Variants in UNC5C observed in about 807,000 individuals in gnomAD.
UNC5C encodes the protein netrin receptor UNC5C.
A neutral mutation model predicts 99.8 loss-of-function variants in UNC5C; 47 were observed. The observed-to-expected ratio is 0.47, with a 90% CI of 0.37 to 0.60. The LOEUF (loss-of-function observed/expected upper bound fraction) is 0.60. Ranked by LOEUF, UNC5C falls within the 20% of genes least tolerant of loss-of-function variation. The pLI is 0.00. For synonymous variants in UNC5C, 487 were observed against 452.2 expected (o/e 1.08, Z -0.98); for missense variants, 1,062 against 1,165.9 (o/e 0.91, Z 1.30).
intron 2 of UNC5C, among the ~76,000 whole-genome samples, chr4:95,317,565 T>C (rs879422255): frequency 2.6e-5 from 4 of 152,102 alleles, no homozygotes; most frequent in Admixed American, 2.6e-4. Flanking sequence ...AACGTGGCAA[T>C]GAGAATGAGA....
chr4:95,478,412 G>A (rs1209104326), intron 1 of UNC5C, among the ~76,000 whole-genome samples: 1 of 151,944 alleles, frequency 6.6e-6, no homozygotes, highest in Admixed American at 6.6e-5. Flanking sequence ...CATTTGCTTT[G>A]CATATCAGCT....
intron 1 of UNC5C, among the ~76,000 whole-genome samples, chr4:95,424,552 T>C (rs1319403868): frequency 6.2e-5 from 9 of 145,386 alleles, no homozygotes; most frequent in Admixed American, 6.1e-4. Flanking sequence ...GACAGCTTCT[T>C]GCTCTGTGGC....
intron 12 of UNC5C, among the ~76,000 whole-genome samples, chr4:95,187,796 G>C (rs548987198): frequency 2.6e-5 from 4 of 152,118 alleles, no homozygotes; most frequent in African/African-American, 7.2e-5. Context: ...ACTTAAGCTC[G>C]CCATTTCTCC....
chr4:95,386,675 G>A (rs1034605643), intron 1 of UNC5C, among the ~76,000 whole-genome samples: 26 of 152,090 alleles, frequency 1.7e-4, no homozygotes, highest in Middle Eastern at 3.2e-3. Context: ...AACCAGTTCC[G>A]ACTTGCTAGT....
intron 1 of UNC5C, among the ~76,000 whole-genome samples, chr4:95,472,853 T>G (rs1177871960): frequency 6.6e-6 from 1 of 151,852 alleles, no homozygotes; most frequent in Non-Finnish European, 1.5e-5. Context: ...TAGCAATCTG[T>G]CTCATTAATG....
intron 11 of UNC5C, among the ~76,000 whole-genome samples, chr4:95,205,784 T>C (rs1013519764): frequency 2.6e-5 from 4 of 152,148 alleles, no homozygotes; most frequent in African/African-American, 9.7e-5. Flanking sequence ...GTTTAAAGCA[T>C]TGTCCTTAAG....
intron 5 of UNC5C, among the ~76,000 whole-genome samples, chr4:95,246,480 G>C (rs1487578459): frequency 1.3e-5 from 2 of 151,902 alleles, no homozygotes; most frequent in Non-Finnish European, 2.9e-5. Flanking sequence ...AGGATCCCTT[G>C]AGCCCAGGAG....
At chr4:95,201,780 AT>A (rs908420486) in intron 12 of UNC5C, among the ~76,000 whole-genome samples, 1 of 151,778 alleles carries the variant, frequency 6.6e-6, no homozygotes, top group Non-Finnish European at 1.5e-5. Context: ...ATTTTTTTGT[AT>A]TTTTAGTAGA....
At chr4:95,266,687 C>T (rs1388839861) in intron 4 of UNC5C, among the ~76,000 whole-genome samples, 3 of 152,130 alleles carry the variant, frequency 2.0e-5, no homozygotes, top group Non-Finnish European at 4.4e-5. Flanking sequence ...ATGGCTCAGG[C>T]TTCCATAATT....
At chr4:95,292,208 CATAT>C (rs376368681) in intron 3 of UNC5C, among the ~76,000 whole-genome samples, 31,912 of 123,896 alleles carry the variant, frequency 0.26, 3,939 homozygotes, top group East Asian at 0.36. Context: ...CATATATATA[CATAT>C]ATATACACAC....
chr4:95,191,819 C>T (rs1737113595), intron 12 of UNC5C, among the ~76,000 whole-genome samples: 2 of 144,506 alleles, frequency 1.4e-5, no homozygotes, highest in South Asian at 2.3e-4. Context: ...CCCTGCTCAC[C>T]TCTTCTGCTC....
At chr4:95,431,985 C>G (rs1219477538) in intron 1 of UNC5C, among the ~76,000 whole-genome samples, 1 of 151,940 alleles carries the variant, frequency 6.6e-6, no homozygotes, top group Non-Finnish European at 1.5e-5. Flanking sequence ...AGCACAAGAA[C>G]AGAAAGCCTA....
intron 1 of UNC5C, among the ~76,000 whole-genome samples, chr4:95,437,258 C>CA (rs905872052): frequency 6.6e-6 from 1 of 151,580 alleles, no homozygotes; most frequent in Non-Finnish European, 1.5e-5. Context: ...TAAAATATTA[C>CA]AAAAAATTCA....
At chr4:95,304,157 G>A (rs1178522047) in intron 2 of UNC5C, among the ~76,000 whole-genome samples, 1 of 152,130 alleles carries the variant, frequency 6.6e-6, no homozygotes, top group African/African-American at 2.4e-5. Flanking sequence ...CCAAGACGGT[G>A]GGTTTTATAA....
chr4:95,173,283 T>G (rs772226213), intron 14 of UNC5C, among the ~76,000 whole-genome samples: 1,841 of 130,874 alleles, frequency 0.014, 14 homozygotes, highest in African/African-American at 0.048. Context: ...CTATGTTGAA[T>G]AGGAGTGGTG....
intron 1 of UNC5C, among the ~76,000 whole-genome samples, chr4:95,433,106 C>T (rs1746677483): frequency 6.6e-6 from 1 of 152,126 alleles, no homozygotes; most frequent in Non-Finnish European, 1.5e-5. Flanking sequence ...CTTTCTGCCA[C>T]ACTGACAGGT....
At chr4:95,354,177 T>A (rs1322745010) in intron 1 of UNC5C, among the ~76,000 whole-genome samples, 1 of 152,054 alleles carries the variant, frequency 6.6e-6, no homozygotes, top group Non-Finnish European at 1.5e-5. Flanking sequence ...CATTTTCAAA[T>A]CTTCATAACT....
intron 1 of UNC5C, among the ~76,000 whole-genome samples, chr4:95,516,744 A>G (rs367824333): frequency 4.7e-4 from 71 of 152,284 alleles, no homozygotes; most frequent in African/African-American, 1.6e-3. Flanking sequence ...AATCATTGTT[A>G]CATCAATGTC....
chr4:95,490,116 G>A (rs372576827), intron 1 of UNC5C, among the ~76,000 whole-genome samples: 159 of 151,696 alleles, frequency 1.0e-3, no homozygotes, highest in African/African-American at 3.5e-3. Flanking sequence ...AAAGGAGAAA[G>A]AGACGGACAG....
Sources: allele counts gnomAD v4.1 joint callset (sites outside exome capture counted in the v4.1 genomes callset), GRCh38; gene constraint gnomAD v4.1.1; transcripts MANE v1.5; gene names NCBI Gene and HGNC (gene_info 2026-07-23, HGNC 2026-07-21).